Variants in DCAF8L2 observed in about 807,000 individuals in gnomAD.
The protein encoded by DCAF8L2 is DDB1 and CUL4 associated factor 8 like 2.
For missense variants in DCAF8L2, 430 were observed against 490.7 expected (o/e 0.88, Z 1.17); for synonymous variants, 200 against 190.9 (o/e 1.05, Z -0.39).
chrX:27,623,132 A>G (rs1927856625), intron 1 of DCAF8L2, among the ~76,000 whole-genome samples: 1 of 111,597 alleles, frequency 9.0e-6, no homozygotes, highest in Non-Finnish European at 1.9e-5. Flanking sequence ...TTTGATCATA[A>G]TACAGTCTAC....
chrX:27,581,979 C>T, the DCAF8L2 span, among the ~76,000 whole-genome samples: 91 of 111,976 alleles, frequency 8.1e-4, 1 homozygote, highest in East Asian at 0.022. Flanking sequence ...TTTTGAGTCA[C>T]TGGTCTAATT....
chrX:27,675,708 C>T (rs143601204), intron 2 of DCAF8L2, among the ~76,000 whole-genome samples: 28 of 111,949 alleles, frequency 2.5e-4, no homozygotes, highest in African/African-American at 9.1e-4. Context: ...CTTGCTTCAC[C>T]AAAGCCTTGA....
At chrX:27,600,586 G>A (rs1336012206) in intron 1 of DCAF8L2, among the ~76,000 whole-genome samples, 1 of 112,094 alleles carries the variant, frequency 8.9e-6, no homozygotes, top group African/African-American at 3.2e-5. Flanking sequence ...CAAAGAAAGA[G>A]TTTATGACAT....
At chrX:27,692,186 G>T (rs941302564) in intron 3 of DCAF8L2, among the ~76,000 whole-genome samples, 1 of 111,631 alleles carries the variant, frequency 9.0e-6, no homozygotes, top group Admixed American at 9.6e-5. Context: ...ACCTACCTAC[G>T]TTTACTACAA....
At chrX:27,564,667 C>T in the DCAF8L2 span, among the ~76,000 whole-genome samples, 9,667 of 108,790 alleles carry the variant, frequency 0.089, 367 homozygotes, top group Non-Finnish European at 0.12. Flanking sequence ...TCAATGGGTC[C>T]ATCTCACATA....
the DCAF8L2 span, among the ~76,000 whole-genome samples, chrX:27,539,896 C>T: frequency 9.0e-6 from 1 of 111,027 alleles, no homozygotes; most frequent in Non-Finnish European, 1.9e-5. Context: ...TTTTATCATG[C>T]TGTGTTAGTT....
chrX:27,556,920 T>C, the DCAF8L2 span, among the ~76,000 whole-genome samples: 2 of 111,119 alleles, frequency 1.8e-5, no homozygotes, highest in Non-Finnish European at 3.8e-5. Context: ...AACATTAACT[T>C]TATCTTATCT....
intron 1 of DCAF8L2, among the ~76,000 whole-genome samples, chrX:27,610,384 TGCC>T (rs1159426993): frequency 3.6e-5 from 4 of 110,562 alleles, no homozygotes; most frequent in African/African-American, 1.3e-4. Context: ...TGTATATGTG[TGCC>T]TGTGTGTGCA....
the DCAF8L2 span, among the ~76,000 whole-genome samples, chrX:27,487,045 A>G: frequency 9.0e-6 from 1 of 110,761 alleles, no homozygotes. Context: ...CTTTAGTTCT[A>G]TTAGGATTAT....
the DCAF8L2 span, among the ~76,000 whole-genome samples, chrX:27,513,855 G>T: frequency 9.0e-6 from 1 of 111,148 alleles, no homozygotes; most frequent in East Asian, 2.8e-4. Flanking sequence ...CTTTACCCCA[G>T]TCAAAATGAT....
At chrX:27,573,067 G>GA in the DCAF8L2 span, among the ~76,000 whole-genome samples, 6 of 107,567 alleles carry the variant, frequency 5.6e-5, no homozygotes, top group Non-Finnish European at 9.6e-5. Context: ...GACCCAACTT[G>GA]AAAAAAAAAA....
chrX:27,519,511 G>A, the DCAF8L2 span: 2 of 879,375 alleles, frequency 2.3e-6, no homozygotes, highest in Non-Finnish European at 3.4e-6. Context: ...TGCAACCCAG[G>A]AAGACTTGGA....
At chrX:27,489,888 AT>A in the DCAF8L2 span, among the ~76,000 whole-genome samples, 9 of 111,157 alleles carry the variant, frequency 8.1e-5, no homozygotes, top group Non-Finnish European at 1.5e-4. Context: ...TGTTATTATT[AT>A]TTTTTTGAAA....
chrX:27,692,783 C>T (rs113574364), intron 3 of DCAF8L2, among the ~76,000 whole-genome samples: 3,740 of 111,089 alleles, frequency 0.034, 75 homozygotes, highest in Middle Eastern at 0.065. Context: ...TTTCTGGAGA[C>T]ACTCTTGATT....
chrX:27,514,899 G>A, the DCAF8L2 span, among the ~76,000 whole-genome samples: 1 of 110,363 alleles, frequency 9.1e-6, no homozygotes, highest in African/African-American at 3.3e-5. Flanking sequence ...AGAAAGGAGA[G>A]GGGGAATGGA....
intron 4 of DCAF8L2, among the ~76,000 whole-genome samples, chrX:27,739,006 A>T (rs918425518): frequency 9.0e-6 from 1 of 110,551 alleles, no homozygotes; most frequent in Non-Finnish European, 1.9e-5. Context: ...CCCCTATTTA[A>T]GACTTTCAGA....
At chrX:27,685,124 A>G (rs1238748135) in intron 3 of DCAF8L2, among the ~76,000 whole-genome samples, 1 of 111,931 alleles carries the variant, frequency 8.9e-6, no homozygotes, top group Admixed American at 9.6e-5. Context: ...TTAGAGTATT[A>G]TAAAGAAACT....
intron 1 of DCAF8L2, among the ~76,000 whole-genome samples, chrX:27,590,991 TTATA>T (rs10571931): frequency 0.21 from 14,352 of 68,034 alleles, 1,190 homozygotes; most frequent in East Asian, 0.52. Flanking sequence ...CCTTTACATT[TTATA>T]TATATATATA....
At chrX:27,609,199 T>G (rs1382195867) in intron 1 of DCAF8L2, among the ~76,000 whole-genome samples, 2 of 111,801 alleles carry the variant, frequency 1.8e-5, no homozygotes, top group Non-Finnish European at 3.8e-5. Context: ...AGTTAAATAT[T>G]GCACTGAAGC....
Sources: allele counts gnomAD v4.1 joint callset (sites outside exome capture counted in the v4.1 genomes callset), GRCh38; gene constraint gnomAD v4.1.1; transcripts MANE v1.5; gene names NCBI Gene and HGNC (gene_info 2026-07-23, HGNC 2026-07-21).